Variants in USP31 observed in about 807,000 individuals in gnomAD.
USP31 encodes the protein ubiquitin carboxyl-terminal hydrolase 31.
Under a neutral mutation model 119.4 loss-of-function variants are expected in USP31, and 44 were observed. That is an observed-to-expected ratio of 0.37 (90% CI 0.29 to 0.47). The LOEUF is 0.47. Ranked by LOEUF, USP31 falls within the 20% of genes least tolerant of loss-of-function variation. The pLI, the probability that USP31 is intolerant of heterozygous loss-of-function variation, is 0.99. For missense variants in USP31, 1,643 were observed against 1,730.2 expected (o/e 0.95, Z 0.89); for synonymous variants, 749 against 705.6 (o/e 1.06, Z -0.97).
Position 23,072,465 on chromosome 16 carries a change from T to C in USP31, c.2336-268A>G, listed in dbSNP as rs947072626. The C allele has an allele frequency of 5.0e-6, 3 of 597,060 alleles. No individual in the cohort carries two copies. The African/African-American group carries it at 5.6e-5, about 11-fold the overall frequency. 37.0% of individuals were successfully genotyped at this position (597,060 alleles called of 1,614,324 possible). On this transcript the variant is annotated intron_variant, in intron 14 of 15. Coordinates refer to ENST00000219689, the MANE Select transcript of USP31 (RefSeq NM_020718.4). The stretch of plus-strand genomic sequence containing the variant: ...AGGGATGAATACTTTATAATGTAAG[T>C]CTGAGTCTAAAGAATTGGCAAGAGA...
chr16:23,132,508 A>G (rs1427869087), intron 1 of USP31, among the ~76,000 whole-genome samples: 1 of 152,142 alleles, frequency 6.6e-6, no homozygotes, highest in African/African-American at 2.4e-5. Context: ...AAATAGAACA[A>G]AAGTAGCAGA....
chr16:23,136,045 T>A (rs189521446), intron 1 of USP31, among the ~76,000 whole-genome samples: 6 of 152,200 alleles, frequency 3.9e-5, no homozygotes, highest in Non-Finnish European at 7.4e-5. Flanking sequence ...ATATAAACCC[T>A]CGCATATATG....
chr16:23,120,009 G>A (rs1388870444), intron 1 of USP31, among the ~76,000 whole-genome samples: 1 of 152,208 alleles, frequency 6.6e-6, no homozygotes, highest in African/African-American at 2.4e-5. Flanking sequence ...TCCAAGTTTA[G>A]AGTCAGCTCA....
At chr16:23,116,737 C>T (rs8045310) in intron 1 of USP31, among the ~76,000 whole-genome samples, 41,519 of 152,020 alleles carry the variant, frequency 0.27, 6,114 homozygotes, top group Admixed American at 0.34. Flanking sequence ...CTCCACCACA[C>T]CCTTCAAACC....
In USP31 at chr16:23,149,195, G is replaced by A. The variant is rs1255427660; in HGVS notation, c.76C>T (p.Arg26Trp). Residue 26 changes from arginine (R) to tryptophan (W), a missense_variant, in exon 1 of 16, where the codon CGG becomes TGG. Physicochemically the swap from Arg to Trp is moderately radical, Grantham distance 101. Coordinates refer to ENST00000219689, the MANE Select transcript of USP31 (RefSeq NM_020718.4). ...SGKEKRSFSK[R>W]LFRSGRAGGG... ...CCAGCGCGGCCGCTCCGAAACAGCCGCTTGCTGAAGGAGCGCTTCTCCTTC... is the reference window on the plus strand; with the variant it reads ...CCAGCGCGGCCGCTCCGAAACAGCCACTTGCTGAAGGAGCGCTTCTCCTTC... 8.6e-6 allele frequency: 10 copies of A among 1,158,084 alleles called. No homozygotes were observed. The highest frequency in any genetic ancestry group is 1.7e-5 in the African/African-American group (1 of 60,464). The allele number at this position is 1,158,084 out of a possible 1,614,324, so 71.7% of individuals were successfully genotyped here.
intron 1 of USP31, among the ~76,000 whole-genome samples, chr16:23,119,129 C>T (rs1301225625): frequency 1.3e-5 from 2 of 148,494 alleles, no homozygotes; most frequent in Non-Finnish European, 3.0e-5. Context: ...GAGACAGTCT[C>T]GCTTTGTCCC....
rs976819070 is a variant in USP31 at position 23,090,882 on chromosome 16, CAGAGA to C, written c.1235-83_1235-79del. 3.9e-5 allele frequency: 52 copies of C among 1,319,380 alleles called. No homozygotes were observed. The Admixed American group carries it at 1.5e-3, about 37-fold the overall frequency. 81.7% of individuals were successfully genotyped at this position (1,319,380 alleles called of 1,614,324 possible). Reference sequence around the variant, plus strand: ...ACTCGTTATGAAGAAATTTACCCAACAGAGAAAATTTTTTTTAAAAATGTCATTAT... The same window carrying C: ...ACTCGTTATGAAGAAATTTACCCAACAAATTTTTTTTAAAAATGTCATTAT... On this transcript the variant is annotated intron_variant, in intron 6 of 15. Coordinates refer to ENST00000219689, the MANE Select transcript of USP31 (RefSeq NM_020718.4).
intron 1 of USP31, among the ~76,000 whole-genome samples, chr16:23,121,824 C>T (rs1902678570): frequency 6.6e-6 from 1 of 152,078 alleles, no homozygotes; most frequent in South Asian, 2.1e-4. Context: ...GATTTAAGAG[C>T]CTTTGAAATA....
Position 23,128,051 on chromosome 16 carries a change from G to A in USP31, c.634-19868C>T, listed in dbSNP as rs141033715. Among the ~76,000 whole-genome samples the A allele has an allele frequency of 2.1e-3, 315 of 152,240 alleles. 2 individuals are homozygous for A. The highest frequency in any genetic ancestry group is 4.4e-3 in the Admixed American group (68 of 15,290). On this transcript the variant is annotated intron_variant, in intron 1 of 15. Coordinates refer to ENST00000219689, the MANE Select transcript of USP31 (RefSeq NM_020718.4). Reference sequence around the variant, plus strand: ...TACAAGTAGGATTTTCAGCATGGGAGGAACAAGCCACAGATACAAGACCAA... The same window carrying A: ...TACAAGTAGGATTTTCAGCATGGGAAGAACAAGCCACAGATACAAGACCAA...
chr16:23,087,997 G>C lies in USP31; in HGVS notation c.1416-162C>G, dbSNP rs1049353315. Among the ~76,000 whole-genome samples, 4 of 152,190 alleles carry C rather than the reference G, an allele frequency of 2.6e-5. No homozygotes were observed. The East Asian group carries it at 5.8e-4, about 22-fold the overall frequency. ...AAATTTAATGGTAACTCTTCATAAG[G>C]AGATGAACAGCTTGGATTTCTAAAT... On this transcript the variant is annotated intron_variant, in intron 7 of 15. Coordinates refer to ENST00000219689, the MANE Select transcript of USP31 (RefSeq NM_020718.4).
At chr16:23,136,380 C>T (rs1194305390) in intron 1 of USP31, among the ~76,000 whole-genome samples, 3 of 152,098 alleles carry the variant, frequency 2.0e-5, no homozygotes, top group African/African-American at 7.2e-5. Flanking sequence ...TGGCTGGGCA[C>T]GGCGGCTCAC....
At chr16:23,081,242 C>T (rs1900808566) in intron 12 of USP31, among the ~76,000 whole-genome samples, 1 of 152,128 alleles carries the variant, frequency 6.6e-6, no homozygotes, top group South Asian at 2.1e-4. Flanking sequence ...AAACAGAAAG[C>T]CCAGGAAATT....
rs1177171540 is a variant in USP31, at chr16:23,099,367, G to T, written c.1234+2952C>A. Among the ~76,000 whole-genome samples the T allele has an allele frequency of 2.6e-5, 4 of 152,164 alleles. No individual in the cohort carries two copies. The South Asian group carries it at 6.2e-4, about 24-fold the overall frequency. ...GAAATAGGAATGCTTTTACACTGTTGGTGGGAGTGTAAATTAGTTCAACCA... is the reference window on the plus strand; with the variant it reads ...GAAATAGGAATGCTTTTACACTGTTTGTGGGAGTGTAAATTAGTTCAACCA... On this transcript the variant is annotated intron_variant, in intron 6 of 15. Coordinates refer to ENST00000219689, the MANE Select transcript of USP31 (RefSeq NM_020718.4).
At chr16:23,118,268 T>C (rs375681567) in intron 1 of USP31, among the ~76,000 whole-genome samples, 165 of 152,056 alleles carry the variant, frequency 1.1e-3, no homozygotes, top group African/African-American at 2.8e-3. Flanking sequence ...TTTTGAAAAA[T>C]AGAATAAAAA....
intron 1 of USP31, among the ~76,000 whole-genome samples, chr16:23,137,518 G>GT (rs1567248524): frequency 6.6e-6 from 1 of 151,908 alleles, no homozygotes; most frequent in African/African-American, 2.4e-5. Context: ...TTATATGGTG[G>GT]TATCACATTG....
chr16:23,091,365 C>T (rs1000056244), intron 6 of USP31, among the ~76,000 whole-genome samples: 3 of 152,194 alleles, frequency 2.0e-5, no homozygotes, highest in African/African-American at 7.2e-5. Flanking sequence ...AGGCACAGTA[C>T]TGATCCTCCC....
In USP31 at chr16:23,108,852, A is replaced by G. The variant is rs1440270256; in HGVS notation, c.634-669T>C. Among the ~76,000 whole-genome samples the G allele has an allele frequency of 2.0e-5, 3 of 152,248 alleles. No individual in the cohort carries two copies. The East Asian group carries it at 5.8e-4, about 29-fold the overall frequency. ...TTCAAACTTTACAAGATTGATTTAC[A>G]TTGCTTTTGCTAAAATGCTAAACTT... On this transcript the variant is annotated intron_variant, in intron 1 of 15. Transcript: ENST00000219689.
At chr16:23,088,407 C>T (rs566335447) in intron 7 of USP31, among the ~76,000 whole-genome samples, 54 of 152,214 alleles carry the variant, frequency 3.5e-4, no homozygotes, top group Non-Finnish European at 5.1e-4. Flanking sequence ...GTCCAGCCCC[C>T]GGAGAGATTC....
chr16:23,064,829 G>C lies in USP31; in HGVS notation c.*3217C>G, dbSNP rs1290723296. On this transcript the variant is annotated 3_prime_UTR_variant, in exon 16 of 16. Coordinates refer to ENST00000219689, the MANE Select transcript of USP31 (RefSeq NM_020718.4). ...GGCCCTCCATAAACGTTTGCAGAAT[G>C]AATGATGAAAACAAGATTGCAAAAG... 2.2e-5 allele frequency: 3 copies of C among 138,644 alleles called. No homozygotes were observed. Among genetic ancestry groups the C allele is most frequent in the Admixed American group, 7.6e-5 (1 of 13,072 alleles). 8.6% of individuals were successfully genotyped at this position (138,644 alleles called of 1,614,324 possible).
Sources: allele counts gnomAD v4.1 joint callset (sites outside exome capture counted in the v4.1 genomes callset), GRCh38; gene constraint gnomAD v4.1.1; transcripts MANE v1.5; gene names NCBI Gene and HGNC (gene_info 2026-07-23, HGNC 2026-07-21).